ZC2HC1A: variants seen among roughly 807,000 people sequenced by gnomAD.
The protein encoded by ZC2HC1A is zinc finger C2HC-type containing 1A, also known as zinc finger C2HC domain-containing protein 1A.
A neutral mutation model predicts 40.7 loss-of-function variants in ZC2HC1A; 28 were observed. The observed-to-expected ratio is 0.69, with a 90% CI of 0.51 to 0.94. The LOEUF is 0.94. ZC2HC1A is among the 40% of genes least tolerant of loss of function. ZC2HC1A has a pLI of 0.00. For synonymous variants in ZC2HC1A, 129 were observed against 129.2 expected (o/e 1.00, Z 0.01); for missense variants, 389 against 386.3 (o/e 1.01, Z -0.06).
chr8:78,697,365 C>G (rs1438002903), intron 5 of ZC2HC1A, 42 bp from the exon 6 acceptor site: 2 of 1,488,962 alleles, frequency 1.3e-6, no homozygotes, highest in African/African-American at 2.8e-5. Context: ...AATCCATAAT[C>G]AAAAAGTGAT....
chr8:78,703,741 C>A (rs1810681377), intron 7 of ZC2HC1A, among the ~76,000 whole-genome samples: 1 of 152,026 alleles, frequency 6.6e-6, no homozygotes, highest in South Asian at 2.1e-4. Flanking sequence ...AAATACTTGC[C>A]ACTCTGTGTC....
At chr8:78,671,814 G>A (rs1336726635) in intron 1 of ZC2HC1A, among the ~76,000 whole-genome samples, 1 of 152,020 alleles carries the variant, frequency 6.6e-6, no homozygotes, top group African/African-American at 2.4e-5. Context: ...TGAAGCATTC[G>A]TTCTACCATC....
At chr8:78,673,837 AT>A (rs1809499729) in intron 1 of ZC2HC1A, among the ~76,000 whole-genome samples, 1 of 152,098 alleles carries the variant, frequency 6.6e-6, no homozygotes, top group South Asian at 2.1e-4. Context: ...GGGTGAAGTA[AT>A]GACATTCTTC....
chr8:78,671,207 TTAGA>T (rs1411779343), intron 1 of ZC2HC1A, among the ~76,000 whole-genome samples: 2 of 152,320 alleles, frequency 1.3e-5, no homozygotes, highest in South Asian at 2.1e-4. Flanking sequence ...ACTTATAGTG[TTAGA>T]TAAAGATACC....
chr8:78,704,484 T>A (rs975774154), intron 7 of ZC2HC1A, among the ~76,000 whole-genome samples: 3 of 152,136 alleles, frequency 2.0e-5, no homozygotes, highest in African/African-American at 7.2e-5. Flanking sequence ...TCTGATGGGC[T>A]TTCCTTTGTA....
At chr8:78,707,532 A>G (rs1054241889) in intron 7 of ZC2HC1A, among the ~76,000 whole-genome samples, 1 of 152,240 alleles carries the variant, frequency 6.6e-6, no homozygotes, top group African/African-American at 2.4e-5. Flanking sequence ...CTAATGGAAA[A>G]TATGCTTTTG....
chr8:78,704,455 C>T (rs1352645890), intron 7 of ZC2HC1A, among the ~76,000 whole-genome samples: 1 of 151,478 alleles, frequency 6.6e-6, no homozygotes, highest in Non-Finnish European at 1.5e-5. Context: ...AGGGTTTCCA[C>T]TGAGAGGTCT....
intron 5 of ZC2HC1A, among the ~76,000 whole-genome samples, chr8:78,689,779 G>A (rs942589469): frequency 6.6e-6 from 1 of 151,948 alleles, no homozygotes; most frequent in Non-Finnish European, 1.5e-5. Context: ...ATTTTCTTAA[G>A]GATGTCTTTT....
intron 3 of ZC2HC1A, among the ~76,000 whole-genome samples, chr8:78,680,038 C>T (rs1055616922): frequency 3.3e-5 from 5 of 151,982 alleles, no homozygotes; most frequent in South Asian, 2.1e-4. Context: ...TGCTACATAC[C>T]GTATTATTCT....
chr8:78,689,508 A>T (rs1175465511), intron 5 of ZC2HC1A, 135 bp downstream of exon 5: 2 of 778,026 alleles, frequency 2.6e-6, no homozygotes, highest in Non-Finnish European at 1.8e-6. Flanking sequence ...TTATATATCT[A>T]TAAAAGTTGT....
intron 3 of ZC2HC1A, among the ~76,000 whole-genome samples, chr8:78,683,364 G>A (rs1051257931): frequency 6.6e-6 from 1 of 152,228 alleles, no homozygotes; most frequent in Non-Finnish European, 1.5e-5. Flanking sequence ...CTGAAATCTA[G>A]TCAGAGGCTC....
chr8:78,699,478 CTT>C (rs1012477959), intron 7 of ZC2HC1A, among the ~76,000 whole-genome samples: 5 of 151,804 alleles, frequency 3.3e-5, no homozygotes, highest in African/African-American at 9.7e-5. Context: ...TTAATTTTAA[CTT>C]TTAAGTTCAG....
intron 1 of ZC2HC1A, among the ~76,000 whole-genome samples, chr8:78,675,319 C>T (rs1321793233): frequency 1.3e-5 from 2 of 151,786 alleles, no homozygotes; most frequent in Admixed American, 1.3e-4. Flanking sequence ...ATTGTACTTT[C>T]TATTGTTTGG....
chr8:78,687,281 C>T (rs997176551), intron 4 of ZC2HC1A, among the ~76,000 whole-genome samples: 1 of 151,572 alleles, frequency 6.6e-6, no homozygotes, highest in African/African-American at 2.4e-5. Context: ...TGTTAGTACT[C>T]TAGATTGGGA....
At chr8:78,699,971 G>T (rs1458145279) in intron 7 of ZC2HC1A, among the ~76,000 whole-genome samples, 1 of 152,020 alleles carries the variant, frequency 6.6e-6, no homozygotes, top group Non-Finnish European at 1.5e-5. Flanking sequence ...ATTCTTCTGG[G>T]TATATACTCA....
At chr8:78,706,752 G>C (rs1377686841) in intron 7 of ZC2HC1A, among the ~76,000 whole-genome samples, 1 of 151,928 alleles carries the variant, frequency 6.6e-6, no homozygotes, top group Non-Finnish European at 1.5e-5. Context: ...ATTCATTTTG[G>C]TTTTTATGTG....
At chr8:78,691,600 G>C (rs1303630629) in intron 5 of ZC2HC1A, among the ~76,000 whole-genome samples, 2 of 151,836 alleles carry the variant, frequency 1.3e-5, no homozygotes, top group African/African-American at 2.4e-5. Flanking sequence ...TTATGTTTAG[G>C]TCTGCCATCT....
Position 78,698,430 on chromosome 8 carries a change from A to G in ZC2HC1A, c.621A>G (p.Lys207=). The change falls in exon 7 of 9, where the codon AAA becomes AAG. Residue 207 remains lysine (K), a synonymous_variant. Transcript: ENST00000263849. Reference sequence around the variant, plus strand: ...TATTATAAGGTGTTCCTTCAGGTAAAGTGTCTTCAAGTAGCAGCTCTTTGG... The same window carrying G: ...TATTATAAGGTGTTCCTTCAGGTAAGGTGTCTTCAAGTAGCAGCTCTTTGG... ...GKTVVGVPSG[K]VSSSSSSLGN... 1.2e-6 allele frequency: 2 copies of G among 1,612,416 alleles called. No homozygotes were observed. Among genetic ancestry groups the G allele is most frequent in the Non-Finnish European group, 1.7e-6 (2 of 1,179,218 alleles).
chr8:78,718,249 T>C lies in ZC2HC1A; in HGVS notation c.*756T>C, dbSNP rs562987671. On this transcript the variant is annotated 3_prime_UTR_variant, in exon 9 of 9. Coordinates refer to ENST00000263849, the MANE Select transcript of ZC2HC1A (RefSeq NM_016010.3). Reference sequence around the variant, plus strand: ...TCCAATTGTTTTTCCAGATTTCACTTTTCCTCTTTTTCCATAACCCGTGAA... The same window carrying C: ...TCCAATTGTTTTTCCAGATTTCACTCTTCCTCTTTTTCCATAACCCGTGAA... 8 of 152,196 alleles carry C rather than the reference T, an allele frequency of 5.3e-5. No homozygotes were observed. Among genetic ancestry groups the C allele is most frequent in the African/African-American group, 1.9e-4 (8 of 41,574 alleles). 9.4% of individuals were successfully genotyped at this position (152,196 alleles called of 1,614,324 possible).
Sources: gnomAD v4.1 joint callset for allele counts (sites outside exome capture counted in the v4.1 genomes callset) on GRCh38, gnomAD v4.1.1 for gene constraint, MANE v1.5 for transcripts, NCBI Gene and HGNC (gene_info 2026-07-23, HGNC 2026-07-21) for gene names.